The following PTPN3 variants were observed in gnomAD, a reference collection of about 807,000 sequenced individuals.
PTPN3 encodes protein tyrosine phosphatase non-receptor type 3.
A neutral mutation model predicts 132.7 loss-of-function variants in PTPN3; 96 were observed. That is an observed-to-expected ratio of 0.72 (90% CI 0.61 to 0.86). The LOEUF (loss-of-function observed/expected upper bound fraction) is 0.86. Among genes scored for constraint, PTPN3 ranks in the 40% least tolerant of loss-of-function variants. The pLI is 0.00. For missense variants in PTPN3, 1,125 were observed against 1,159.6 expected, an observed-to-expected ratio of 0.97 and a Z score of 0.43; for synonymous variants, 398 against 429.0, an observed-to-expected ratio of 0.93 and a Z score of 0.89.
chr9:109,410,472 A>C (rs1446271102), intron 14 of PTPN3, 57 bp from the exon 15 acceptor site: 1 of 1,560,212 alleles, frequency 6.4e-7, no homozygotes, highest in East Asian at 2.2e-5. Context: ...TATTAGAGCA[A>C]ACACTACTGA....
chr9:109,389,461 C>T (rs1369037901), intron 21 of PTPN3, 82 bp from the exon 22 acceptor site: 24 of 1,380,962 alleles, frequency 1.7e-5, no homozygotes, highest in Admixed American at 4.7e-5. Context: ...ATTCTACTTG[C>T]TAATTGATAT....
chr9:109,469,176 G>A (rs1255384737), intron 1 of PTPN3, among the ~76,000 whole-genome samples: 2 of 152,164 alleles, frequency 1.3e-5, no homozygotes, highest in African/African-American at 2.4e-5. Context: ...CTGAGACAAC[G>A]AAAGGGTAAT....
At chr9:109,400,414 A>G (rs1467362361) in intron 19 of PTPN3, among the ~76,000 whole-genome samples, 3 of 152,238 alleles carry the variant, frequency 2.0e-5, no homozygotes, top group Non-Finnish European at 4.4e-5. Context: ...ATGGGCAAAC[A>G]GAGGCCACAG....
chr9:109,408,723 G>A (rs994601375), intron 16 of PTPN3, among the ~76,000 whole-genome samples: 5 of 148,794 alleles, frequency 3.4e-5, no homozygotes, highest in Non-Finnish European at 5.9e-5. Context: ...GCATGTCTTC[G>A]AGTGCTGCTA....
At chr9:109,477,216 AACTT>A (rs1300295849) in intron 1 of PTPN3, among the ~76,000 whole-genome samples, 1 of 152,308 alleles carries the variant, frequency 6.6e-6, no homozygotes, top group East Asian at 1.9e-4. Context: ...TTGTCTCTGT[AACTT>A]ACTAAATAAG....
chr9:109,506,528 C>T, the PTPN3 span, among the ~76,000 whole-genome samples: 1 of 150,012 alleles, frequency 6.7e-6, no homozygotes. Context: ...TCCTTCCTTC[C>T]TCCCTCCCTC....
intron 22 of PTPN3, among the ~76,000 whole-genome samples, 172 bp from the exon 23 acceptor site, chr9:109,383,723 C>A (rs765700403): frequency 6.6e-6 from 1 of 152,184 alleles, no homozygotes; most frequent in Non-Finnish European, 1.5e-5. Context: ...GGGGTGGGGG[C>A]AGCCTGCCAG....
At chr9:109,512,411 TGAG>T in the PTPN3 span, among the ~76,000 whole-genome samples, 2 of 152,204 alleles carry the variant, frequency 1.3e-5, no homozygotes, top group South Asian at 4.1e-4. Flanking sequence ...TTCTCACTCC[TGAG>T]AAGAACACAC....
the PTPN3 span, among the ~76,000 whole-genome samples, chr9:109,528,862 TC>T: frequency 7.5e-4 from 114 of 152,276 alleles, no homozygotes; most frequent in Admixed American, 7.4e-3. Context: ...TATCTAATCA[TC>T]TTAATTCTAC....
chr9:109,460,478 C>T (rs573338333), intron 2 of PTPN3, among the ~76,000 whole-genome samples: 2 of 152,236 alleles, frequency 1.3e-5, no homozygotes, highest in South Asian at 2.1e-4. Flanking sequence ...AGGCTCCATG[C>T]GATCCCCCAC....
At position 109,391,422 on chromosome 9, in the gene PTPN3, A is replaced by G. The variant is rs1840079869; in HGVS notation, c.2044+49T>C. The G allele has an allele frequency of 3.3e-6, 5 of 1,536,024 alleles. No individual in the cohort carries two copies. The East Asian group carries it at 9.0e-5, about 28-fold the overall frequency. ...CAGACAATCTGTTTTAAAAAGGGAAACATTATCTCAGTGTAGGGGGGAAGG... is the reference window on the plus strand; with the variant it reads ...CAGACAATCTGTTTTAAAAAGGGAAGCATTATCTCAGTGTAGGGGGGAAGG... On this transcript the variant is annotated intron_variant, in intron 20 of 25. Transcript: ENST00000374541.
At chr9:109,537,606 C>G in the PTPN3 span, among the ~76,000 whole-genome samples, 1 of 152,148 alleles carries the variant, frequency 6.6e-6, no homozygotes, top group Non-Finnish European at 1.5e-5. Context: ...TAGTTCTTTA[C>G]TTCTGAATTA....
chr9:109,438,330 A>G (rs1844208266), intron 7 of PTPN3, 96 bp from the exon 8 acceptor site: 8 of 1,322,658 alleles, frequency 6.0e-6, no homozygotes, highest in Admixed American at 2.1e-5. Flanking sequence ...GAATAACATT[A>G]ATTAGAAATA....
At chr9:109,493,814 A>G (rs1847566100) in intron 1 of PTPN3, among the ~76,000 whole-genome samples, 1 of 152,164 alleles carries the variant, frequency 6.6e-6, no homozygotes, top group African/African-American at 2.4e-5. Context: ...CCGGGCCACA[A>G]TCAGAGCATC....
chr9:109,475,714 T>C (rs1846624989), intron 1 of PTPN3, among the ~76,000 whole-genome samples: 1 of 152,156 alleles, frequency 6.6e-6, no homozygotes, highest in African/African-American at 2.4e-5. Flanking sequence ...CCCCCACCCC[T>C]TTACAGCCAA....
intron 23 of PTPN3, chr9:109,383,196 T>A: frequency 1.6e-6 from 1 of 634,690 alleles, no homozygotes; most frequent in Non-Finnish European, 2.7e-6. Context: ...GTGCTGTTTA[T>A]CCATTCCTCC....
chr9:109,534,208 C>T, the PTPN3 span: 1 of 1,262,208 alleles, frequency 7.9e-7, no homozygotes, highest in Non-Finnish European at 1.1e-6. Flanking sequence ...TGATGTGAAG[C>T]CTCCCGGGCC....
At chr9:109,433,574 T>C (rs1394428238) in intron 9 of PTPN3, among the ~76,000 whole-genome samples, 5 of 152,190 alleles carry the variant, frequency 3.3e-5, no homozygotes, top group Non-Finnish European at 5.9e-5. Context: ...ATGATGAAAA[T>C]GTATACATGT....
chr9:109,398,311 T>C (rs1462746739), intron 19 of PTPN3, among the ~76,000 whole-genome samples: 1 of 152,216 alleles, frequency 6.6e-6, no homozygotes, highest in African/African-American at 2.4e-5. Context: ...AAGATACAAT[T>C]GCTCTCATTA....
Sources: allele counts gnomAD v4.1 joint callset (sites outside exome capture counted in the v4.1 genomes callset), GRCh38; gene constraint gnomAD v4.1.1; transcripts MANE v1.5; gene names NCBI Gene and HGNC (gene_info 2026-07-23, HGNC 2026-07-21).